The following ZNF445 variants were observed in gnomAD, a reference collection of about 807,000 sequenced individuals.
ZNF445 encodes zinc finger protein 168.
Under a neutral mutation model 93.9 loss-of-function variants are expected in ZNF445, and 19 were observed. That is an observed-to-expected ratio of 0.20 (90% CI 0.14 to 0.30). The LOEUF (loss-of-function observed/expected upper bound fraction) is 0.30, where lower values mean the gene tolerates loss of function less well. ZNF445 is among the 10% of genes least tolerant of loss of function. The pLI, the probability that ZNF445 is intolerant of heterozygous loss-of-function variation, is 1.00. For missense variants in ZNF445, 1,058 were observed against 1,259.4 expected (o/e 0.84, Z 2.42); for synonymous variants, 449 against 446.3 (o/e 1.01, Z -0.08).
intron 1 of ZNF445, among the ~76,000 whole-genome samples, chr3:44,477,135 A>C (rs187816249): frequency 3.9e-4 from 60 of 152,342 alleles, no homozygotes; most frequent in South Asian, 8.3e-4. Flanking sequence ...CCTCACAATA[A>C]TACTAACAGG....
chr3:44,432,939 T>C lies in ZNF445; in HGVS notation c.*13636A>G, dbSNP rs1697589646. ...TTCCTTTTCATTAAAATTCTGCTCA[T>C]GGATTCATCCCTGCAGTAGGTTCAT... On this transcript the variant is annotated 3_prime_UTR_variant, in exon 8 of 8. Coordinates refer to ENST00000396077, the MANE Select transcript of ZNF445 (RefSeq NM_181489.6). The C allele has an allele frequency of 6.6e-6, 1 of 152,192 alleles. No individual in the cohort carries two copies. The highest frequency in any genetic ancestry group is 2.1e-4 in the South Asian group (1 of 4,836). The allele number at this position is 152,192 out of a possible 1,614,324, so 9.4% of individuals were successfully genotyped here.
intron 2 of ZNF445, among the ~76,000 whole-genome samples, chr3:44,456,944 A>C (rs890676306): frequency 6.6e-6 from 1 of 152,198 alleles, no homozygotes. Flanking sequence ...CCTGGCCAAC[A>C]TGGCAAAACT....
At chr3:44,469,767 TCAAAAA>T (rs916319731) in intron 1 of ZNF445, among the ~76,000 whole-genome samples, 6 of 151,006 alleles carry the variant, frequency 4.0e-5, no homozygotes, top group South Asian at 2.1e-4. Flanking sequence ...AAACTCCATC[TCAAAAA>T]CAAAAACAAA....
chr3:44,457,410 T>A (rs932059918), intron 2 of ZNF445, among the ~76,000 whole-genome samples: 1 of 152,068 alleles, frequency 6.6e-6, no homozygotes, highest in Non-Finnish European at 1.5e-5. Flanking sequence ...GAGGTGAGAC[T>A]ACAGGCATGT....
In ZNF445 at chr3:44,448,208, C is replaced by T. The variant is rs147445146; in HGVS notation, c.1463G>A (p.Ser488Asn). The part of the protein sequence containing the change: ...LHTVGVSFKC[S>N]DCGRTFSHSS... ...ATGACTGAAAGTCCTTCCACAGTCACTGCACTTAAATGACACTCCCACTGT... is the reference window on the plus strand; with the variant it reads ...ATGACTGAAAGTCCTTCCACAGTCATTGCACTTAAATGACACTCCCACTGT... The change falls in exon 8 of 8, where the codon AGT (serine) becomes AAT (asparagine). Residue 488 changes from serine (S) to asparagine (N), a missense_variant. By Grantham distance (46) the Ser-to-Asn change is conservative. Coordinates refer to ENST00000396077, the MANE Select transcript of ZNF445 (RefSeq NM_181489.6). 282 of 1,614,194 alleles carry T rather than the reference C, an allele frequency of 1.7e-4. No homozygotes were observed. The African/African-American group carries it at 3.2e-3, about 18-fold the overall frequency.
Position 44,455,309 on chromosome 3 carries a change from G to A in ZNF445, c.241C>T (p.Arg81Cys), listed in dbSNP as rs747334128. The A allele has an allele frequency of 5.0e-6, 8 of 1,614,050 alleles. No homozygotes were observed. The highest frequency in any genetic ancestry group is 1.1e-5 in the South Asian group (1 of 91,078). ...ETLSRLRELC[R>C]WWLRPDVLSK... ...AGAACGTCAGGCCTCAGCCACCAGC[G>A]ACAGAGTTCCCGGAGCCGGCTCAGA... Residue 81 changes from arginine to cysteine, a missense_variant, in exon 3 of 8, where the codon CGC becomes TGC. By Grantham distance (180) the Arg-to-Cys change is radical (BLOSUM62 -3). Around this residue, in one of 3 missense-constraint regions of ZNF445, gnomAD observed 657 missense variants for 746.4 expected, o/e 0.88. Transcript: ENST00000396077.
At position 44,450,465 on chromosome 3, in the gene ZNF445, T is replaced by C. The variant is rs1163488783; in HGVS notation, c.802A>G (p.Arg268Gly). 1 of 1,614,172 alleles carries C rather than the reference T, an allele frequency of 6.2e-7. No individual in the cohort carries two copies. Among genetic ancestry groups the C allele is most frequent in the Admixed American group, 1.7e-5 (1 of 60,024 alleles). Residue 268 changes from arginine (R) to glycine (G), a missense_variant, in exon 6 of 8, where the codon AGG (arginine) becomes GGG (glycine). This residue lies in a region of ZNF445 where 657 missense variants were observed against 746.4 expected (regional missense o/e 0.88). Transcript: ENST00000396077. Reference sequence around the variant, plus strand: ...TACTTACCCAGGGAAGCCATGTTCCTATAATTCTCCAGCATCACATCCCTG... The same window carrying C: ...TACTTACCCAGGGAAGCCATGTTCCCATAATTCTCCAGCATCACATCCCTG... ...LYRDVMLENY[R>G]NMASLVGPFT...
chr3:44,467,723 G>C (rs920011406), intron 1 of ZNF445, among the ~76,000 whole-genome samples: 6 of 152,092 alleles, frequency 3.9e-5, no homozygotes, highest in African/African-American at 1.4e-4. Context: ...CAAATAATCA[G>C]GCCAAGCACA....
At chr3:44,471,337 T>C (rs184534933) in intron 1 of ZNF445, among the ~76,000 whole-genome samples, 90 of 152,328 alleles carry the variant, frequency 5.9e-4, no homozygotes, top group African/African-American at 2.0e-3. Context: ...TGCCCATAAA[T>C]AGCCACTGAA....
At chr3:44,453,431 T>G (rs1485091791) in intron 3 of ZNF445, among the ~76,000 whole-genome samples, 1 of 151,706 alleles carries the variant, frequency 6.6e-6, no homozygotes, top group African/African-American at 2.4e-5. Context: ...AGTAGCTGGG[T>G]CTACAGGTGC....
In ZNF445 at chr3:44,443,587, TCTA is replaced by T. The variant is rs1697839442; in HGVS notation, c.*2985_*2987del. On this transcript the variant is annotated 3_prime_UTR_variant, in exon 8 of 8. Coordinates refer to ENST00000396077, the MANE Select transcript of ZNF445 (RefSeq NM_181489.6). ...CTGGCTAACACAGTGAAACCCCGTC[TCTA>T]CTAAAAATATAAAAAATAACCCAGG... 1 of 151,812 alleles carries T rather than the reference TCTA, an allele frequency of 6.6e-6. No homozygotes were observed. 9.4% of individuals were successfully genotyped at this position (151,812 alleles called of 1,614,324 possible).
chr3:44,454,401 T>C (rs1697998267), intron 3 of ZNF445, among the ~76,000 whole-genome samples: 1 of 152,140 alleles, frequency 6.6e-6, no homozygotes, highest in African/African-American at 2.4e-5. Flanking sequence ...ATGGACTTTG[T>C]ATACTGTAAG....
chr3:44,457,489 C>T (rs1439440711), intron 2 of ZNF445, among the ~76,000 whole-genome samples: 2 of 152,050 alleles, frequency 1.3e-5, no homozygotes, highest in African/African-American at 4.8e-5. Flanking sequence ...AACTCCTGGC[C>T]TCAGGTGATC....
rs1697720272 is a variant in ZNF445, at chr3:44,437,935, C to G, written c.*8640G>C. 6.5e-6 allele frequency: 1 copy of G among 152,792 alleles called. No homozygotes were observed. Among genetic ancestry groups the G allele is most frequent in the African/African-American group, 2.4e-5 (1 of 41,412 alleles). 9.5% of individuals were successfully genotyped at this position (152,792 alleles called of 1,614,324 possible). Reference sequence around the variant, plus strand: ...AGGAATGCCTAACTTTCTGAGAATGCAGGCCAGTAAGTCTCAGCCTCATTT... The same window carrying G: ...AGGAATGCCTAACTTTCTGAGAATGGAGGCCAGTAAGTCTCAGCCTCATTT... On this transcript the variant is annotated 3_prime_UTR_variant, in exon 8 of 8. Transcript: ENST00000396077.
intron 1 of ZNF445, among the ~76,000 whole-genome samples, chr3:44,465,874 A>G (rs1394475948): frequency 1.3e-5 from 2 of 152,212 alleles, no homozygotes; most frequent in East Asian, 3.8e-4. Context: ...AGATCATGCC[A>G]TGGCACTCCA....
chr3:44,473,289 T>C lies in ZNF445; in HGVS notation c.-269+4302A>G, dbSNP rs9882594. On this transcript the variant is annotated intron_variant, in intron 1 of 7. Coordinates refer to ENST00000396077, the MANE Select transcript of ZNF445 (RefSeq NM_181489.6). ...GACCAACATGGAGAAACCCCGTCTC[T>C]ACTAAAAATACAAAAATTAGCCGGC... Among the ~76,000 whole-genome samples the C allele has an allele frequency of 9.0e-3, 1,372 of 152,070 alleles. 17 individuals are homozygous for C. Among genetic ancestry groups the C allele is most frequent in the African/African-American group, 0.032 (1,316 of 41,466 alleles).
In ZNF445 at chr3:44,456,489, G is replaced by T. The variant is rs138173547; in HGVS notation, c.-147-793C>A. On this transcript the variant is annotated intron_variant, in intron 2 of 7. Coordinates refer to ENST00000396077, the MANE Select transcript of ZNF445 (RefSeq NM_181489.6). ...TGACAAGGAAGAATAAATTGGGAGGGATCAGTCTGAAAACAGTCTACCTGA... is the reference window on the plus strand; with the variant it reads ...TGACAAGGAAGAATAAATTGGGAGGTATCAGTCTGAAAACAGTCTACCTGA... Among the ~76,000 whole-genome samples the T allele has an allele frequency of 1.1e-3, 160 of 152,232 alleles. 2 individuals carry two copies. In the East Asian group the frequency reaches 0.022, roughly 21 times the overall value.
chr3:44,459,219 C>T (rs1698073808), intron 1 of ZNF445, among the ~76,000 whole-genome samples: 1 of 152,194 alleles, frequency 6.6e-6, no homozygotes, highest in Non-Finnish European at 1.5e-5. Flanking sequence ...GTATCGTTTA[C>T]AACATCCTTT....
intron 5 of ZNF445, 110 bp from the exon 6 acceptor site, chr3:44,450,683 A>G (rs1697944849): frequency 1.4e-6 from 2 of 1,457,354 alleles, no homozygotes; most frequent in Non-Finnish European, 9.3e-7. Context: ...GACCTGGCAA[A>G]GGTGAAAGGG....
Sources: gnomAD v4.1 joint callset for allele counts (sites outside exome capture counted in the v4.1 genomes callset) on GRCh38, gnomAD v4.1.1 for gene constraint, gnomAD v4.1.1 regional missense constraint, MANE v1.5 for transcripts, NCBI Gene and HGNC (gene_info 2026-07-23, HGNC 2026-07-21) for gene names.